The following NBPF19 variants were observed in gnomAD, a reference collection of about 807,000 sequenced individuals.
NBPF19 encodes NBPF family member NBPF19.
NBPF19 carries 30 observed loss-of-function variants against 45.9 expected under a neutral mutation model. The observed-to-expected ratio is 0.65, with a 90% confidence interval of 0.49 to 0.89. NBPF19 has a LOEUF of 0.89. Among genes scored for constraint, NBPF19 ranks in the 40% least tolerant of loss-of-function variants. The pLI is 0.00. For synonymous variants in NBPF19, 183 were observed against 181.2 expected (o/e 1.01, Z -0.08); for missense variants, 495 against 471.8 (o/e 1.05, Z -0.46).
intron 2 of NBPF19, among the ~76,000 whole-genome samples, chr1:149,476,789 G>T (rs2084856553): frequency 6.7e-6 from 1 of 148,160 alleles, no homozygotes; most frequent in African/African-American, 2.4e-5. Flanking sequence ...ACAAAAAGTA[G>T]ATGGGCATCG....
intron 13 of NBPF19, among the ~76,000 whole-genome samples, chr1:149,490,900 G>A (rs1231582526): frequency 8.0e-6 from 1 of 124,950 alleles, no homozygotes; most frequent in Non-Finnish European, 1.7e-5. Flanking sequence ...CTCTCTCTCT[G>A]TGTGTGTGTG....
intron 3 of NBPF19, 82 bp from the exon 4 acceptor site, chr1:149,478,798 G>A (rs1353902958): frequency 9.0e-6 from 12 of 1,336,992 alleles, no homozygotes; most frequent in East Asian, 2.3e-5. Context: ...TGAGGACATT[G>A]TCTCAGAAGT....
At chr1:149,487,673 C>A (rs1277807353) in intron 9 of NBPF19, among the ~76,000 whole-genome samples, 4 of 150,184 alleles carry the variant, frequency 2.7e-5, no homozygotes, top group East Asian at 2.0e-4. Context: ...TGAGGACATG[C>A]TTTTCATGAT....
intron 10 of NBPF19, among the ~76,000 whole-genome samples, chr1:149,488,634 A>G (rs1167482106): frequency 1.6e-4 from 7 of 42,954 alleles, no homozygotes; most frequent in African/African-American, 1.1e-4. Context: ...AATCGATTGG[A>G]AAAATATGGC....
rs1163922115 is a variant in NBPF19, at chr1:149,554,495, G to T, written c.11289G>T (p.Arg3763Ser). 6.2e-7 allele frequency: 1 copy of T among 1,607,968 alleles called. No homozygotes were observed. The highest frequency in any genetic ancestry group is 8.5e-7 in the Non-Finnish European group (1 of 1,176,674). The change falls in exon 94 of 94, where the codon AGG (arginine) becomes AGT (serine). Residue 3763 changes from arginine to serine, a missense_variant and splice_region_variant. Coordinates refer to ENST00000651566, the MANE Select transcript of NBPF19 (RefSeq NM_001351365.2). ...TCTTTAGTTTTGTCTCCTTTTCCAG[G>T]CTCAACAGCGTGCTGATGGAAGTGG... Reference protein sequence around the residue: ...GEEDQNPPCPRLNSVLMEVEE... With the variant: ...GEEDQNPPCPSLNSVLMEVEE...
At position 149,553,800 on chromosome 1, in the gene NBPF19, A is replaced by G; in HGVS notation, c.11206A>G (p.Lys3736Glu). The part of the protein sequence containing the change: ...GEIEKKGKGK[K>E]RRGRRSKKER... ...AATTGAAAAGAAGGGGAAGGGGAAGAAAAGAAGGGGAAGAAGATCAAAGAA... is the reference window on the plus strand; with the variant it reads ...AATTGAAAAGAAGGGGAAGGGGAAGGAAAGAAGGGGAAGAAGATCAAAGAA... The change falls in exon 93 of 94, where the codon AAA becomes GAA. Residue 3736 changes from lysine (K) to glutamate (E), a missense_variant. By Grantham distance (56) the Lys-to-Glu change is moderately conservative. Transcript: ENST00000651566. The G allele has an allele frequency of 2.2e-5, 3 of 135,316 alleles. No individual in the cohort carries two copies. Among genetic ancestry groups the G allele is most frequent in the Non-Finnish European group, 2.5e-5 (2 of 81,448 alleles). The allele number at this position is 135,316 out of a possible 1,614,324, so 8.4% of individuals were successfully genotyped here. A position where few individuals can be genotyped will look rare whatever the true frequency, so the allele number is the denominator to read the frequency against.
At position 149,480,418 on chromosome 1, in the gene NBPF19, G is replaced by A. The variant is rs1274123098; in HGVS notation, c.566+204G>A. Among the ~76,000 whole-genome samples the A allele has an allele frequency of 7.5e-5, 11 of 147,430 alleles. 1 individual carries two copies. In the South Asian group the frequency reaches 2.0e-3, roughly 26 times the overall value. ...TGAGTGTCATGTCTGCACCTTACAG[G>A]GATAGCTGAGTCTTCATCCTCCTCA... On this transcript the variant is annotated intron_variant, in intron 5 of 93. Coordinates refer to ENST00000651566, the MANE Select transcript of NBPF19 (RefSeq NM_001351365.2).
At position 149,484,502 on chromosome 1, in the gene NBPF19, AT is replaced by A. The variant is rs1171221315; in HGVS notation, c.825-1627del. Among the ~76,000 whole-genome samples the A allele has an allele frequency of 9.3e-4, 136 of 145,520 alleles. 2 individuals are homozygous for A. The highest frequency in any genetic ancestry group is 3.1e-3 in the African/African-American group (119 of 38,836). ...CCTAAGACTTAAAGTATTAAAAAAA[AT>A]ATATATATATATACATACACACAAA... On this transcript the variant is annotated intron_variant, in intron 7 of 93. Transcript: ENST00000651566.
At chr1:149,487,506 A>C (rs1488060784) in intron 9 of NBPF19, 123 bp downstream of exon 9, 2 of 994,870 alleles carry the variant, frequency 2.0e-6, no homozygotes, top group Non-Finnish European at 3.2e-6. Context: ...AATTATGCCT[A>C]ATACATTGCT....
chr1:149,487,297 T>A, intron 8 of NBPF19, 35 bp from the exon 9 acceptor site: 2 of 1,511,088 alleles, frequency 1.3e-6, no homozygotes, highest in South Asian at 1.1e-5. Context: ...AAGGAAGAAC[T>A]TAATGTAAGA....
intron 9 of NBPF19, 94 bp from the exon 10 acceptor site, chr1:149,487,919 C>A (rs2085707740): frequency 1.4e-6 from 1 of 726,824 alleles, no homozygotes; most frequent in East Asian, 2.7e-5. Flanking sequence ...TTTTTCTTTT[C>A]AAACTCTTCC....
intron 7 of NBPF19, among the ~76,000 whole-genome samples, chr1:149,484,494 T>TA (rs1332210179): frequency 4.8e-5 from 7 of 144,622 alleles, no homozygotes; most frequent in South Asian, 2.3e-4. Context: ...CTTAAAGTAT[T>TA]AAAAAAAATA....
Position 149,486,419 on chromosome 1 carries a change from A to T in NBPF19, c.988+126A>T. 3 of 679,630 alleles carry T rather than the reference A, an allele frequency of 4.4e-6. No homozygotes were observed. The South Asian group carries it at 4.7e-5, about 11-fold the overall frequency. 42.1% of individuals were successfully genotyped at this position (679,630 alleles called of 1,614,324 possible). ...TCACCGTGGGCTGAACCTATATATC[A>T]ATGTAGATTTCAGTCACTCTGGAGT... On this transcript the variant is annotated intron_variant, in intron 8 of 93. Coordinates refer to ENST00000651566, the MANE Select transcript of NBPF19 (RefSeq NM_001351365.2).
intron 18 of NBPF19, 32 bp from the exon 19 acceptor site, chr1:149,495,168 A>AT (rs2086024685): frequency 4.3e-5 from 15 of 347,770 alleles, no homozygotes; most frequent in Middle Eastern, 8.1e-4. Flanking sequence ...GAATTGGCTT[A>AT]TTTTGTCTGT....
In NBPF19 at chr1:149,554,566, C is replaced by G; in HGVS notation, c.11360C>G (p.Thr3787Ser). Residue 3787 changes from threonine (T) to serine (S), a missense_variant, in exon 94 of 94, where the codon ACT (threonine) becomes AGT (serine). Physicochemically the swap from Thr to Ser is moderately conservative, Grantham distance 58. Coordinates refer to ENST00000651566, the MANE Select transcript of NBPF19 (RefSeq NM_001351365.2). ...GACTCACTGGATGGATGTTATTCGA[C>G]TCCGTCAATGTACTTTGAACTACCT... ...LQDSLDGCYS[T>S]PSMYFELPDS... 3 of 1,608,236 alleles carry G rather than the reference C, an allele frequency of 1.9e-6. No homozygotes were observed. Among genetic ancestry groups the G allele is most frequent in the Admixed American group, 1.7e-5 (1 of 59,878 alleles).
Position 149,488,161 on chromosome 1 carries a change from G to A in NBPF19, c.1189G>A (p.Val397Ile). 1.5e-6 allele frequency: 1 copy of A among 677,474 alleles called. No individual in the cohort carries two copies. Among genetic ancestry groups the A allele is most frequent in the South Asian group, 1.6e-5 (1 of 60,758 alleles). The allele number at this position is 677,474 out of a possible 1,614,324, so 42.0% of individuals were successfully genotyped here. Residue 397 changes from valine to isoleucine, a missense_variant, in exon 10 of 94, where the codon GTT (valine) becomes ATT (isoleucine). Val to Ile is a conservative substitution (Grantham distance 29). This residue lies in a region of NBPF19 where 146 missense variants were observed against 67.3 expected (regional missense o/e 2.17). Coordinates refer to ENST00000651566, the MANE Select transcript of NBPF19 (RefSeq NM_001351365.2). ...SAFYVLEQQR[V>I]GLAIDMDEIE... ...CTTTTACGTATTGGAGCAACAGCGTGTTGGCTTGGCTATTGACATGGATGG... is the reference window on the plus strand; with the variant it reads ...CTTTTACGTATTGGAGCAACAGCGTATTGGCTTGGCTATTGACATGGATGG...
At chr1:149,487,646 AT>A (rs1389061886) in intron 9 of NBPF19, among the ~76,000 whole-genome samples, 1 of 150,408 alleles carries the variant, frequency 6.6e-6, no homozygotes, top group Admixed American at 6.6e-5. Flanking sequence ...ACTTGAGCAC[AT>A]TTTATGCAAA....
intron 2 of NBPF19, among the ~76,000 whole-genome samples, chr1:149,477,717 A>G (rs1472720661): frequency 1.3e-5 from 2 of 151,202 alleles, no homozygotes; most frequent in African/African-American, 4.9e-5. Flanking sequence ...TCATCTTGTC[A>G]ACTTCCTTGA....
At position 149,554,706 on chromosome 1, in the gene NBPF19, G is replaced by T. The variant is rs1274775066; in HGVS notation, c.11500G>T (p.Val3834Leu). Reference protein sequence around the residue: ...FTLTVTSLHLVFQMLVIFPQ With the variant: ...FTLTVTSLHLLFQMLVIFPQ The stretch of plus-strand genomic sequence containing the variant: ...TTTGACGGTGACAAGTCTCCATCTG[G>T]TGTTCCAGATGTTAGTCATATTCCC... Residue 3834 changes from valine to leucine, a missense_variant, in exon 94 of 94, where the codon GTG (valine) becomes TTG (leucine). Transcript: ENST00000651566. 1.1e-5 allele frequency: 17 copies of T among 1,608,134 alleles called. 1 individual carries two copies. The highest frequency in any genetic ancestry group is 1.4e-5 in the Non-Finnish European group (16 of 1,176,732).
Sources: gnomAD v4.1 joint callset for allele counts (sites outside exome capture counted in the v4.1 genomes callset) on GRCh38, gnomAD v4.1.1 for gene constraint, gnomAD v4.1.1 regional missense constraint, MANE v1.5 for transcripts, NCBI Gene and HGNC (gene_info 2026-07-23, HGNC 2026-07-21) for gene names.